The following UTP6 variants were observed in gnomAD, a reference collection of about 807,000 sequenced individuals.
UTP6 encodes UTP6 small subunit processome component, also known as U3 small nucleolar RNA-associated protein 6 homolog.
UTP6 carries 60 observed loss-of-function variants against 96.5 expected under a neutral mutation model. The ratio of observed to expected loss-of-function variants is 0.62; its 90% CI spans 0.51 to 0.77. UTP6 has a LOEUF of 0.77. UTP6 is among the 30% of genes least tolerant of loss of function. The pLI, the probability that UTP6 is intolerant of heterozygous loss-of-function variation, is 0.00. For missense variants in UTP6, 637 were observed against 706.5 expected, an observed-to-expected ratio of 0.90 and a Z score of 1.12; for synonymous variants, 215 against 240.1, an observed-to-expected ratio of 0.90 and a Z score of 0.96.
intron 12 of UTP6, 115 bp from the exon 13 acceptor site, chr17:31,878,442 C>T (rs1398793668): frequency 4.8e-6 from 5 of 1,042,098 alleles, no homozygotes; most frequent in Admixed American, 2.2e-5. Context: ...AGCTGACTTG[C>T]TCCTGCATGG....
At chr17:31,895,553 A>C (rs533274204) in intron 2 of UTP6, among the ~76,000 whole-genome samples, 2 of 152,162 alleles carry the variant, frequency 1.3e-5, no homozygotes, top group African/African-American at 4.8e-5. Flanking sequence ...TGTTTTTTTG[A>C]GACGGGGTCT....
chr17:31,880,786 A>G (rs1910786564), intron 10 of UTP6, 32 bp from the exon 11 acceptor site: 1 of 1,611,648 alleles, frequency 6.2e-7, no homozygotes, highest in Admixed American at 1.7e-5. Flanking sequence ...TATCAATCCC[A>G]CAACAAGAAA....
At chr17:31,867,363 C>T (rs1909885288) in intron 17 of UTP6, among the ~76,000 whole-genome samples, 1 of 151,916 alleles carries the variant, frequency 6.6e-6, no homozygotes, top group South Asian at 2.1e-4. Context: ...CAGAAATTAG[C>T]AGGGCGTGGC....
chr17:31,887,991 A>C (rs1911253517), intron 7 of UTP6: 1 of 150,704 alleles, frequency 6.6e-6, no homozygotes, highest in Admixed American at 6.6e-5. Flanking sequence ...AAAAGAATTA[A>C]ATAGCAGTTT....
At chr17:31,872,505 CA>C (rs1264145141) in intron 16 of UTP6, among the ~76,000 whole-genome samples, 98 of 128,780 alleles carry the variant, frequency 7.6e-4, no homozygotes, top group Middle Eastern at 3.9e-3. Flanking sequence ...CAGTCTCTAC[CA>C]AAAAAAAAAA....
rs570826347 is a variant in UTP6, at chr17:31,881,703, C to CT, written c.786-950dup. Among the ~76,000 whole-genome samples the CT allele has an allele frequency of 4.6e-5, 7 of 151,774 alleles. No homozygotes were observed. The East Asian group carries it at 1.4e-3, about 30-fold the overall frequency. ...ACAAGACTCCAAGAGACCTGAAGAA[C>CT]TTTTTTTTGTTTTTGAGATAGGGTC... On this transcript the variant is annotated intron_variant, in intron 10 of 18. Coordinates refer to ENST00000261708, the MANE Select transcript of UTP6 (RefSeq NM_018428.3).
rs143496489 is a variant in UTP6, at chr17:31,896,065, C to T, written c.178-1054G>A. Among the ~76,000 whole-genome samples, 134 of 150,376 alleles carry T rather than the reference C, an allele frequency of 8.9e-4. 2 individuals carry two copies. The highest frequency in any genetic ancestry group is 3.0e-3 in the African/African-American group (123 of 40,982). On this transcript the variant is annotated intron_variant, in intron 2 of 18. Coordinates refer to ENST00000261708, the MANE Select transcript of UTP6 (RefSeq NM_018428.3). Reference sequence around the variant, plus strand: ...TTATAATGAATATAAAGCAGTCCTACACCTGGTTTTTTTTTATTGTTTGTT... The same window carrying T: ...TTATAATGAATATAAAGCAGTCCTATACCTGGTTTTTTTTTATTGTTTGTT...
intron 16 of UTP6, among the ~76,000 whole-genome samples, chr17:31,869,100 G>A (rs981842474): frequency 2.0e-5 from 3 of 152,152 alleles, no homozygotes; most frequent in Admixed American, 2.0e-4. Flanking sequence ...GACAGAGTGA[G>A]ACTCCATCTC....
Position 31,862,821 on chromosome 17 carries a change from C to T in UTP6, c.*538G>A, listed in dbSNP as rs1368702102. 6.5e-6 allele frequency: 1 copy of T among 152,690 alleles called. No individual in the cohort carries two copies. Among genetic ancestry groups the T allele is most frequent in the Admixed American group, 6.5e-5 (1 of 15,326 alleles). 9.5% of individuals were successfully genotyped at this position (152,690 alleles called of 1,614,324 possible). A position where few individuals can be genotyped will look rare whatever the true frequency, so the allele number is the denominator to read the frequency against. On this transcript the variant is annotated 3_prime_UTR_variant, in exon 19 of 19. Transcript: ENST00000261708. ...TCCTGACCTCAGGTGATCCGCCTGC[C>T]TCAGCCTTCCCAAAGTGCTGGGATT...
intron 9 of UTP6, among the ~76,000 whole-genome samples, chr17:31,885,556 A>C (rs900914024): frequency 2.6e-5 from 4 of 151,964 alleles, no homozygotes. Flanking sequence ...TTGGGAGGCC[A>C]AGGCGGGCAG....
Position 31,863,101 on chromosome 17 carries a change from G to T in UTP6, c.*258C>A. The T allele has an allele frequency of 2.2e-6, 1 of 445,044 alleles. No individual in the cohort carries two copies. The highest frequency in any genetic ancestry group is 3.9e-5 in the Admixed American group (1 of 25,900). 27.6% of individuals were successfully genotyped at this position (445,044 alleles called of 1,614,324 possible). On this transcript the variant is annotated 3_prime_UTR_variant, in exon 19 of 19. Transcript: ENST00000261708. ...TGCACCTATAATCCCAGCTACTCAG[G>T]AGTCTGAGGTGAGAAGGTCACTTGA... is the stretch of plus-strand genomic sequence containing the variant.
At chr17:31,865,232 C>T (rs1909748773) in intron 18 of UTP6, 134 bp downstream of exon 18, 4 of 795,442 alleles carry the variant, frequency 5.0e-6, no homozygotes, top group African/African-American at 1.8e-5. Context: ...AGGCTGGTCT[C>T]GAACTCCTGA....
intron 6 of UTP6, among the ~76,000 whole-genome samples, chr17:31,890,067 C>T (rs1259144221): frequency 6.6e-6 from 1 of 151,886 alleles, no homozygotes. Context: ...GCTGCAGTGG[C>T]ACAAACAACA....
chr17:31,894,087 G>A (rs1417737561), intron 4 of UTP6, among the ~76,000 whole-genome samples: 1 of 151,224 alleles, frequency 6.6e-6, no homozygotes. Context: ...TAAAAAACAT[G>A]ACGAAACCCT....
intron 2 of UTP6, among the ~76,000 whole-genome samples, chr17:31,897,350 G>A (rs1904710658): frequency 6.6e-6 from 1 of 151,810 alleles, no homozygotes; most frequent in Admixed American, 6.6e-5. Context: ...CTACTCATAG[G>A]ACCTCTTCCA....
intron 4 of UTP6, among the ~76,000 whole-genome samples, chr17:31,893,921 G>C (rs554902030): frequency 6.6e-5 from 10 of 151,782 alleles, no homozygotes; most frequent in Non-Finnish European, 1.5e-4. Flanking sequence ...AGTTCTTAAA[G>C]AATCTCAATC....
At chr17:31,876,195 C>A (rs1379704234) in intron 13 of UTP6, among the ~76,000 whole-genome samples, 19 of 151,860 alleles carry the variant, frequency 1.3e-4, no homozygotes. Flanking sequence ...CATCGCCACG[C>A]CTGGTTAATT....
intron 18 of UTP6, among the ~76,000 whole-genome samples, chr17:31,864,370 G>C (rs1350358639): frequency 6.6e-6 from 1 of 152,140 alleles, no homozygotes; most frequent in African/African-American, 2.4e-5. Context: ...CTGGGTGACA[G>C]AGTGAGACTC....
rs115489222 is a variant in UTP6, at chr17:31,897,268, G to C, written c.178-2257C>G. Among the ~76,000 whole-genome samples, 394 of 151,894 alleles carry C rather than the reference G, an allele frequency of 2.6e-3. 2 individuals are homozygous for C. The highest frequency in any genetic ancestry group is 9.2e-3 in the African/African-American group (382 of 41,460). ...ATTGCACTCCAGCCTGGGCAAGAGT[G>C]AGTGTATTATTTGGAAAAAAAAAAA... On this transcript the variant is annotated intron_variant, in intron 2 of 18. Transcript: ENST00000261708.
Sources: allele counts gnomAD v4.1 joint callset (sites outside exome capture counted in the v4.1 genomes callset), GRCh38; gene constraint gnomAD v4.1.1; transcripts MANE v1.5; gene names NCBI Gene and HGNC (gene_info 2026-07-23, HGNC 2026-07-21).